GALNT13: variants seen among roughly 807,000 people sequenced by gnomAD.
The protein encoded by GALNT13 is UDP-GalNAc:polypeptide N-acetylgalactosaminyltransferase 13.
In GALNT13, 28 loss-of-function variants were observed where a neutral mutation model predicts 64.2. The observed-to-expected ratio is 0.44, with a 90% CI of 0.32 to 0.60. The LOEUF (loss-of-function observed/expected upper bound fraction) is 0.60. Ranked by LOEUF, GALNT13 falls within the 20% of genes least tolerant of loss-of-function variation. The probability of loss-of-function intolerance (pLI) is 0.05; values close to 1 mark genes in which losing one functional copy is unlikely to be tolerated. For missense variants in GALNT13, 577 were observed against 669.8 expected, an observed-to-expected ratio of 0.86 and a Z score of 1.53; for synonymous variants, 214 against 224.6, an observed-to-expected ratio of 0.95 and a Z score of 0.42.
chr2:153,411,709 AG>A, the GALNT13 span, among the ~76,000 whole-genome samples: 1 of 152,194 alleles, frequency 6.6e-6, no homozygotes, highest in Non-Finnish European at 1.5e-5. Context: ...GAAGGAAAGA[AG>A]GGTGGTGTGA....
chr2:153,535,232 C>T, the GALNT13 span, among the ~76,000 whole-genome samples: 13 of 151,528 alleles, frequency 8.6e-5, no homozygotes, highest in Admixed American at 7.3e-4. Flanking sequence ...ATTGAAAAAC[C>T]AAATGGAATA....
rs6709568 is a variant in GALNT13 at position 154,375,933 on chromosome 2, T to C, written c.1157-20058T>C. On this transcript the variant is annotated intron_variant, in intron 9 of 12. Transcript: ENST00000392825. The stretch of plus-strand genomic sequence containing the variant: ...GCAATGCATAACCTGGCATGTTCAC[T>C]TAGAGGTTTTGTAATTCTTTTAAAA... Among the ~76,000 whole-genome samples, 386 of 152,324 alleles carry C rather than the reference T, an allele frequency of 2.5e-3. 4 individuals are homozygous for C. The highest frequency in any genetic ancestry group is 8.7e-3 in the African/African-American group (362 of 41,584).
chr2:154,028,789 G>C (rs1698148532), intron 3 of GALNT13, among the ~76,000 whole-genome samples: 1 of 152,036 alleles, frequency 6.6e-6, no homozygotes, highest in South Asian at 2.1e-4. Context: ...AGGAGACTTA[G>C]ACTTACTTCC....
At chr2:154,031,756 A>G (rs1698353793) in intron 3 of GALNT13, among the ~76,000 whole-genome samples, 1 of 152,020 alleles carries the variant, frequency 6.6e-6, no homozygotes, top group Non-Finnish European at 1.5e-5. Context: ...AATTCAAAAT[A>G]TATAAGGTGA....
chr2:153,350,070 C>T, the GALNT13 span, among the ~76,000 whole-genome samples: 2 of 152,172 alleles, frequency 1.3e-5, no homozygotes, highest in Non-Finnish European at 2.9e-5. Flanking sequence ...AGTCCTTCCT[C>T]TCGCTTCTTT....
At chr2:154,031,831 C>T (rs1017745550) in intron 3 of GALNT13, among the ~76,000 whole-genome samples, 1 of 151,590 alleles carries the variant, frequency 6.6e-6, no homozygotes, top group Non-Finnish European at 1.5e-5. Context: ...TGTAACAGTC[C>T]TTTCTCACTA....
intron 8 of GALNT13, among the ~76,000 whole-genome samples, chr2:154,288,323 A>G (rs370156197): frequency 1.3e-4 from 20 of 152,014 alleles, no homozygotes; most frequent in African/African-American, 4.8e-4. Context: ...ACAATTCACG[A>G]TGAGATTTGG....
chr2:154,429,596 A>G (rs1420019915), intron 11 of GALNT13, among the ~76,000 whole-genome samples: 1 of 152,202 alleles, frequency 6.6e-6, no homozygotes, highest in African/African-American at 2.4e-5. Flanking sequence ...CTGAGGGAGA[A>G]GCTGCAGCAA....
At chr2:153,563,429 A>T in the GALNT13 span, among the ~76,000 whole-genome samples, 1 of 151,186 alleles carries the variant, frequency 6.6e-6, no homozygotes, top group Non-Finnish European at 1.5e-5. Context: ...TTTTTGTGTT[A>T]TTTTCTTCCC....
At chr2:153,624,651 A>G in the GALNT13 span, among the ~76,000 whole-genome samples, 74,966 of 151,852 alleles carry the variant, frequency 0.49, 19,769 homozygotes, top group African/African-American at 0.68. Flanking sequence ...AACTTTTGAG[A>G]CAATTTACTG....
At chr2:153,381,186 A>G in the GALNT13 span, among the ~76,000 whole-genome samples, 3 of 152,102 alleles carry the variant, frequency 2.0e-5, no homozygotes, top group African/African-American at 7.2e-5. Flanking sequence ...GGCTCAAGCC[A>G]TCGATCCTCC....
intron 7 of GALNT13, among the ~76,000 whole-genome samples, chr2:154,255,854 T>C (rs541635370): frequency 6.6e-6 from 1 of 151,774 alleles, no homozygotes; most frequent in Non-Finnish European, 1.5e-5. Context: ...GAGTTCAAGA[T>C]CAGCCTGAGC....
At chr2:154,141,248 C>T (rs917548944) in intron 4 of GALNT13, among the ~76,000 whole-genome samples, 1 of 152,084 alleles carries the variant, frequency 6.6e-6, no homozygotes, top group Non-Finnish European at 1.5e-5. Flanking sequence ...AAACACTATA[C>T]ACTTAGGTTA....
the GALNT13 span, among the ~76,000 whole-genome samples, chr2:153,108,939 A>G: frequency 1.3e-5 from 2 of 152,158 alleles, no homozygotes; most frequent in Non-Finnish European, 2.9e-5. Context: ...GTCAATTACA[A>G]ATGTATTTAC....
chr2:153,795,752 A>C, the GALNT13 span, among the ~76,000 whole-genome samples: 1 of 152,080 alleles, frequency 6.6e-6, no homozygotes, highest in African/African-American at 2.4e-5. Context: ...AGTTCTGTTG[A>C]CTTGTTTGTG....
chr2:154,184,918 C>T (rs1051169994), intron 4 of GALNT13, among the ~76,000 whole-genome samples: 84 of 152,056 alleles, frequency 5.5e-4, no homozygotes, highest in African/African-American at 2.0e-3. Flanking sequence ...TTAGAATTTT[C>T]TTAATTTGAT....
At chr2:153,391,136 T>C in the GALNT13 span, among the ~76,000 whole-genome samples, 1 of 151,954 alleles carries the variant, frequency 6.6e-6, no homozygotes, top group African/African-American at 2.4e-5. Flanking sequence ...TAAAGACTTG[T>C]AGGTGGTTTT....
chr2:154,029,664 G>A (rs969956048), intron 3 of GALNT13, among the ~76,000 whole-genome samples: 3 of 152,040 alleles, frequency 2.0e-5, no homozygotes, highest in Non-Finnish European at 4.4e-5. Context: ...TGTACAAGAC[G>A]TGTACAATGG....
the GALNT13 span, among the ~76,000 whole-genome samples, chr2:153,343,434 A>G: frequency 6.6e-6 from 1 of 152,188 alleles, no homozygotes; most frequent in Non-Finnish European, 1.5e-5. Flanking sequence ...TCTGCATACT[A>G]ACCAACTTAC....
Sources: allele counts gnomAD v4.1 joint callset (sites outside exome capture counted in the v4.1 genomes callset), GRCh38; gene constraint gnomAD v4.1.1; transcripts MANE v1.5; gene names NCBI Gene and HGNC (gene_info 2026-07-23, HGNC 2026-07-21).